Variants in MSRA observed in about 807,000 individuals in gnomAD.
MSRA encodes the protein mitochondrial peptide methionine sulfoxide reductase.
In MSRA, 54 loss-of-function variants were observed where a neutral mutation model predicts 31.3. The observed-to-expected ratio is 1.73, with a 90% CI of 1.39 to 2.17. The LOEUF is 2.17. Ranked by LOEUF, MSRA falls within the 30% of genes most tolerant of loss-of-function variation. MSRA has a pLI of 0.00. For missense variants in MSRA, 507 were observed against 300.9 expected (o/e 1.69, Z -5.07); for synonymous variants, 169 against 116.5 (o/e 1.45, Z -2.90).
chr8:10,187,312 A>G (rs1214042719), intron 1 of MSRA, among the ~76,000 whole-genome samples: 1 of 152,156 alleles, frequency 6.6e-6, no homozygotes, highest in Admixed American at 6.5e-5. Context: ...GTCCTGGAGT[A>G]AAAATTTTTG....
intron 1 of MSRA, among the ~76,000 whole-genome samples, chr8:10,069,490 C>G (rs573589909): frequency 3.1e-4 from 47 of 152,344 alleles, no homozygotes; most frequent in African/African-American, 9.9e-4. Context: ...TCTCACAGCT[C>G]CGGAGGCTGG....
chr8:10,152,346 T>A (rs1294840027), intron 1 of MSRA, among the ~76,000 whole-genome samples: 1 of 152,230 alleles, frequency 6.6e-6, no homozygotes, highest in Non-Finnish European at 1.5e-5. Flanking sequence ...AGAAGGAGTT[T>A]GTTTTTATGA....
At chr8:10,291,356 A>G (rs978968700) in intron 3 of MSRA, among the ~76,000 whole-genome samples, 4 of 152,158 alleles carry the variant, frequency 2.6e-5, no homozygotes, top group Non-Finnish European at 5.9e-5. Context: ...TTTTCAATCA[A>G]TAGGATGCTT....
At chr8:10,107,491 C>T (rs1382186810) in intron 1 of MSRA, among the ~76,000 whole-genome samples, 1 of 152,196 alleles carries the variant, frequency 6.6e-6, no homozygotes, top group Admixed American at 6.5e-5. Context: ...TTCTGTGCGT[C>T]TCTGACTCAG....
chr8:10,111,059 T>C (rs1468473187), intron 1 of MSRA, among the ~76,000 whole-genome samples: 7 of 152,294 alleles, frequency 4.6e-5, no homozygotes, highest in African/African-American at 1.7e-4. Flanking sequence ...GTGTCAGAAC[T>C]TCCTGTGTGC....
chr8:10,123,842 A>G (rs917590837), intron 1 of MSRA, among the ~76,000 whole-genome samples: 2 of 150,484 alleles, frequency 1.3e-5, no homozygotes, highest in Admixed American at 6.6e-5. Context: ...CTCTATTCCA[A>G]TCCATTGGTC....
chr8:10,153,207 G>T (rs1803861512), intron 1 of MSRA, among the ~76,000 whole-genome samples: 1 of 152,178 alleles, frequency 6.6e-6, no homozygotes, highest in Non-Finnish European at 1.5e-5. Context: ...GCTTATTAAG[G>T]ATAGACAGCA....
chr8:10,079,254 G>C (rs1563407952), intron 1 of MSRA, among the ~76,000 whole-genome samples: 1 of 152,064 alleles, frequency 6.6e-6, no homozygotes, highest in Non-Finnish European at 1.5e-5. Flanking sequence ...GACATCCTGG[G>C]CTTAGGTGAT....
At chr8:10,056,198 C>CAAAAAAAAA in intron 1 of MSRA, among the ~76,000 whole-genome samples, 2 of 91,006 alleles carry the variant, frequency 2.2e-5, no homozygotes, top group African/African-American at 4.4e-5. Context: ...TCCCATACAC[C>CAAAAAAAAA]AAAAAAAAAA....
At chr8:10,216,653 A>G (rs1585192036) in intron 2 of MSRA, among the ~76,000 whole-genome samples, 1 of 152,234 alleles carries the variant, frequency 6.6e-6, no homozygotes, top group Admixed American at 6.5e-5. Flanking sequence ...GGGACCTCCT[A>G]TAGATAGAAT....
At chr8:10,054,684 C>A in intron 1 of MSRA, 26 bp downstream of exon 1, 1 of 1,486,380 alleles carries the variant, frequency 6.7e-7, no homozygotes. Flanking sequence ...ACGGAAGGCG[C>A]GGGCGGCGAC....
chr8:10,193,967 A>G (rs1028153985), intron 1 of MSRA, among the ~76,000 whole-genome samples: 1 of 152,336 alleles, frequency 6.6e-6, no homozygotes, highest in African/African-American at 2.4e-5. Context: ...ACATTCCAAC[A>G]GCTTTTAGAA....
intron 5 of MSRA, among the ~76,000 whole-genome samples, chr8:10,347,777 C>G (rs913902489): frequency 2.0e-5 from 3 of 152,234 alleles, no homozygotes; most frequent in South Asian, 4.1e-4. Flanking sequence ...ACACACTTGA[C>G]TTTTCAATCC....
At chr8:10,354,958 G>A (rs1804423778) in intron 5 of MSRA, among the ~76,000 whole-genome samples, 1 of 152,060 alleles carries the variant, frequency 6.6e-6, no homozygotes, top group Non-Finnish European at 1.5e-5. Flanking sequence ...TTGCATCCAT[G>A]GTTAGTTCCC....
At chr8:10,120,119 C>G (rs1800997151) in intron 1 of MSRA, among the ~76,000 whole-genome samples, 1 of 152,098 alleles carries the variant, frequency 6.6e-6, no homozygotes, top group Non-Finnish European at 1.5e-5. Context: ...TTGGCCAAGT[C>G]CAACAGAAAC....
chr8:10,076,171 G>C (rs1234753601), intron 1 of MSRA, among the ~76,000 whole-genome samples: 1 of 152,232 alleles, frequency 6.6e-6, no homozygotes, highest in South Asian at 2.1e-4. Context: ...GAATAGATGA[G>C]ATAATAAGGA....
At chr8:10,354,720 AC>A (rs1804401788) in intron 5 of MSRA, among the ~76,000 whole-genome samples, 2 of 146,722 alleles carry the variant, frequency 1.4e-5, no homozygotes, top group East Asian at 4.0e-4. Flanking sequence ...ATCTTTTCAT[AC>A]CAGTTATGTA....
intron 1 of MSRA, among the ~76,000 whole-genome samples, chr8:10,143,539 G>A (rs757310392): frequency 2.2e-4 from 33 of 152,042 alleles, no homozygotes; most frequent in Non-Finnish European, 4.7e-4. Context: ...AGTTCTCATC[G>A]ACAATGGCAT....
At chr8:10,180,509 C>T (rs1806446756) in intron 1 of MSRA, among the ~76,000 whole-genome samples, 1 of 152,146 alleles carries the variant, frequency 6.6e-6, no homozygotes, top group Non-Finnish European at 1.5e-5. Flanking sequence ...AACTTCCAAT[C>T]CTCTAATGAC....
Sources: gnomAD v4.1 joint callset for allele counts (sites outside exome capture counted in the v4.1 genomes callset) on GRCh38, gnomAD v4.1.1 for gene constraint, MANE v1.5 for transcripts, NCBI Gene and HGNC (gene_info 2026-07-23, HGNC 2026-07-21) for gene names.